The following SNTB1 variants were observed in gnomAD, a reference collection of about 807,000 sequenced individuals.
SNTB1 encodes the protein syntrophin beta 1, also known as beta-1-syntrophin.
In SNTB1, 36 loss-of-function variants were observed where a neutral mutation model predicts 48.9. The observed-to-expected ratio is 0.74, with a 90% CI of 0.56 to 0.97. The LOEUF is 0.97. Ranked by LOEUF, SNTB1 falls within the 50% of genes least tolerant of loss-of-function variation. SNTB1 has a pLI of 0.00. For synonymous variants in SNTB1, 299 were observed against 294.6 expected, an observed-to-expected ratio of 1.01 and a Z score of -0.15; for missense variants, 786 against 703.4, an observed-to-expected ratio of 1.12 and a Z score of -1.33.
At chr8:120,632,377 T>C (rs956132506) in intron 3 of SNTB1, 67 bp downstream of exon 3, 1 of 1,393,650 alleles carries the variant, frequency 7.2e-7, no homozygotes, top group South Asian at 1.2e-5. Flanking sequence ...GAGATAGTTT[T>C]AGTGGTTATG....
intron 1 of SNTB1, among the ~76,000 whole-genome samples, chr8:120,744,863 C>T (rs1391507675): frequency 3.3e-5 from 5 of 152,154 alleles, no homozygotes; most frequent in East Asian, 3.9e-4. Flanking sequence ...TAATATAATA[C>T]CATAATTTGG....
chr8:120,585,273 A>G (rs1816121378), intron 3 of SNTB1, among the ~76,000 whole-genome samples: 1 of 152,188 alleles, frequency 6.6e-6, no homozygotes, highest in Non-Finnish European at 1.5e-5. Context: ...CATGTGGCTC[A>G]TGTGTGGAGC....
chr8:120,745,179 A>G (rs1819105989), intron 1 of SNTB1, among the ~76,000 whole-genome samples: 1 of 152,112 alleles, frequency 6.6e-6, no homozygotes, highest in Non-Finnish European at 1.5e-5. Context: ...CACAAGTGTT[A>G]GCAGTGGGGC....
chr8:120,582,435 T>G (rs1369798661), intron 3 of SNTB1, among the ~76,000 whole-genome samples: 1 of 152,008 alleles, frequency 6.6e-6, no homozygotes, highest in East Asian at 1.9e-4. Flanking sequence ...TAAAGACCAG[T>G]GCAGAAATCA....
chr8:120,811,795 C>G lies in SNTB1; in HGVS notation c.49G>C (p.Gly17Arg). The G allele has an allele frequency of 7.0e-7, 1 of 1,430,664 alleles. No individual in the cohort carries two copies. Among genetic ancestry groups the G allele is most frequent in the Non-Finnish European group, 9.1e-7 (1 of 1,094,076 alleles). 88.6% of individuals were successfully genotyped at this position (1,430,664 alleles called of 1,614,324 possible). Residue 17 changes from glycine to arginine, a missense_variant, in exon 1 of 7, where the codon GGC becomes CGC. Coordinates refer to ENST00000517992, the MANE Select transcript of SNTB1 (RefSeq NM_021021.4). ...AAAAGPAGAG[G>R]GRAQRSGLLE... ...AGCCCGCTCCGCTGCGCCCGGCCGC[C>G]TCCCGCGCCAGCCGGCCCAGCCGCC...
chr8:120,673,133 A>G lies in SNTB1; in HGVS notation c.788+20559T>C, dbSNP rs981467040. Among the ~76,000 whole-genome samples the G allele has an allele frequency of 2.6e-5, 4 of 152,070 alleles. No individual in the cohort carries two copies. The East Asian group carries it at 7.7e-4, about 29-fold the overall frequency. ...CCTAAGAGAGGTGGAGCTTCCTGTT[A>G]TTGCTAACTTCTAAGTGGCCTCATC... On this transcript the variant is annotated intron_variant, in intron 2 of 6. Transcript: ENST00000517992.
chr8:120,773,495 T>C (rs910471331), intron 1 of SNTB1, among the ~76,000 whole-genome samples: 1 of 152,224 alleles, frequency 6.6e-6, no homozygotes, highest in Non-Finnish European at 1.5e-5. Flanking sequence ...CCAGGCCTTA[T>C]CCATTTGAAG....
Position 120,733,442 on chromosome 8 carries a change from G to A in SNTB1, c.572-39534C>T, listed in dbSNP as rs573886970. On this transcript the variant is annotated intron_variant, in intron 1 of 6. Coordinates refer to ENST00000517992, the MANE Select transcript of SNTB1 (RefSeq NM_021021.4). ...TGGAATTACAGGGCCCAGGCTCAATGATTCTGGAGCTCCAAGCAATAGATC... is the reference window on the plus strand; with the variant it reads ...TGGAATTACAGGGCCCAGGCTCAATAATTCTGGAGCTCCAAGCAATAGATC... Among the ~76,000 whole-genome samples, 5 of 152,366 alleles carry A rather than the reference G, an allele frequency of 3.3e-5. No individual in the cohort carries two copies. The South Asian group carries it at 1.0e-3, about 32-fold the overall frequency.
chr8:120,732,171 C>A (rs892272763), intron 1 of SNTB1, among the ~76,000 whole-genome samples: 5 of 152,140 alleles, frequency 3.3e-5, no homozygotes, highest in Non-Finnish European at 5.9e-5. Flanking sequence ...ATATGACTTG[C>A]GGGTAAATCG....
chr8:120,653,082 C>G (rs1229133944), intron 2 of SNTB1, among the ~76,000 whole-genome samples: 1 of 152,188 alleles, frequency 6.6e-6, no homozygotes, highest in Non-Finnish European at 1.5e-5. Flanking sequence ...AGTACATGGT[C>G]TCTGCCTCCA....
At position 120,679,180 on chromosome 8, in the gene SNTB1, G is replaced by A. The variant is rs534159964; in HGVS notation, c.788+14512C>T. Among the ~76,000 whole-genome samples the A allele has an allele frequency of 8.5e-4, 129 of 152,210 alleles. 4 individuals are homozygous for A. In the Middle Eastern group the frequency reaches 0.014, roughly 16 times the overall value. ...TTATGCTCTTTAGCTGACATTTCAGGGATGACACCTGTCTCCTGACTGATA... is the reference window on the plus strand; with the variant it reads ...TTATGCTCTTTAGCTGACATTTCAGAGATGACACCTGTCTCCTGACTGATA... On this transcript the variant is annotated intron_variant, in intron 2 of 6. Coordinates refer to ENST00000517992, the MANE Select transcript of SNTB1 (RefSeq NM_021021.4).
intron 3 of SNTB1, among the ~76,000 whole-genome samples, chr8:120,619,312 G>T (rs6994199): frequency 0.23 from 30,665 of 135,170 alleles, 3,112 homozygotes; most frequent in Middle Eastern, 0.27. Flanking sequence ...TATATATATA[G>T]AGAGAGAGAG....
chr8:120,551,992 CTCTCAT>C (rs1815489258), intron 4 of SNTB1, among the ~76,000 whole-genome samples: 1 of 152,168 alleles, frequency 6.6e-6, no homozygotes, highest in South Asian at 2.1e-4. Context: ...GCCTAACATG[CTCTCAT>C]TTTCCATACC....
chr8:120,801,300 A>G (rs1820221944), intron 1 of SNTB1, among the ~76,000 whole-genome samples: 1 of 152,076 alleles, frequency 6.6e-6, no homozygotes, highest in Non-Finnish European at 1.5e-5. Context: ...ACTCTACTAC[A>G]TAAGTCACCT....
rs76236656 is a variant in SNTB1 at position 120,637,579 on chromosome 8, T to C, written c.789-4928A>G. On this transcript the variant is annotated intron_variant, in intron 2 of 6. Coordinates refer to ENST00000517992, the MANE Select transcript of SNTB1 (RefSeq NM_021021.4). ...CCTGCAATAATAACACAAAGTGTTA[T>C]GTGCAAAATTCTGATTCTGTAGTCT... The C allele has an allele frequency of 4.0e-3, 805 of 199,972 alleles. 4 individuals are homozygous for C. The highest frequency in any genetic ancestry group is 0.018 in the African/African-American group (764 of 42,006). The allele number at this position is 199,972 out of a possible 1,614,324, so 12.4% of individuals were successfully genotyped here. A position where few individuals can be genotyped will look rare whatever the true frequency, so the allele number is the denominator to read the frequency against.
At chr8:120,601,779 G>A (rs1196647050) in intron 3 of SNTB1, among the ~76,000 whole-genome samples, 1 of 152,178 alleles carries the variant, frequency 6.6e-6, no homozygotes, top group African/African-American at 2.4e-5. Context: ...AAACAGTGAG[G>A]CTTGGCTTAA....
intron 4 of SNTB1, among the ~76,000 whole-genome samples, chr8:120,555,420 C>T (rs1815550830): frequency 6.6e-6 from 1 of 152,184 alleles, no homozygotes. Context: ...GGGCTGCTTG[C>T]CCTACCCTAA....
intron 3 of SNTB1, among the ~76,000 whole-genome samples, chr8:120,606,351 A>G (rs1563829845): frequency 6.7e-6 from 1 of 148,192 alleles, no homozygotes; most frequent in Non-Finnish European, 1.5e-5. Context: ...TATACTTTAT[A>G]AATATAGTTG....
At chr8:120,714,443 T>C (rs1255361094) in intron 1 of SNTB1, among the ~76,000 whole-genome samples, 3 of 151,858 alleles carry the variant, frequency 2.0e-5, no homozygotes, top group African/African-American at 7.3e-5. Flanking sequence ...AATAAATCCA[T>C]ACTCCAGAAA....
Sources: gnomAD v4.1 joint callset for allele counts (sites outside exome capture counted in the v4.1 genomes callset) on GRCh38, gnomAD v4.1.1 for gene constraint, MANE v1.5 for transcripts, NCBI Gene and HGNC (gene_info 2026-07-23, HGNC 2026-07-21) for gene names.